STAB2: variants seen among roughly 807,000 people sequenced by gnomAD.
The protein encoded by STAB2 is stabilin-2.
A neutral mutation model predicts 338.1 loss-of-function variants in STAB2; 288 were observed. The ratio of observed to expected loss-of-function variants is 0.85; its 90% confidence interval spans 0.77 to 0.94. The LOEUF (loss-of-function observed/expected upper bound fraction) is 0.94. Among genes scored for constraint, STAB2 ranks in the 40% least tolerant of loss-of-function variants. The pLI is 0.00. For missense variants in STAB2, 3,141 were observed against 3,210.1 expected, an observed-to-expected ratio of 0.98 and a Z score of 0.52; for synonymous variants, 1,202 against 1,193.3, an observed-to-expected ratio of 1.01 and a Z score of -0.15.
At chr12:103,612,422 C>T (rs566924672) in intron 3 of STAB2, among the ~76,000 whole-genome samples, 1 of 152,328 alleles carries the variant, frequency 6.6e-6, no homozygotes, top group East Asian at 1.9e-4. Context: ...CTTCTCACTT[C>T]ATTTCATTCA....
chr12:103,694,972 T>A (rs1472232018), intron 31 of STAB2, among the ~76,000 whole-genome samples: 1 of 152,120 alleles, frequency 6.6e-6, no homozygotes, highest in Non-Finnish European at 1.5e-5. Context: ...TGCAGCTGTG[T>A]GTCTGCAGAA....
At chr12:103,714,740 T>C (rs1880169171) in intron 42 of STAB2, among the ~76,000 whole-genome samples, 1 of 152,072 alleles carries the variant, frequency 6.6e-6, no homozygotes, top group South Asian at 2.1e-4. Flanking sequence ...TCTTTGTATA[T>C]ATACATTTTT....
At chr12:103,759,000 A>G in intron 64 of STAB2, 133 bp from the exon 65 acceptor site, 16 of 1,466,584 alleles carry the variant, frequency 1.1e-5, no homozygotes, top group Non-Finnish European at 1.5e-5. Flanking sequence ...AAACCTTGAC[A>G]TTTCCTGATC....
chr12:103,679,540 A>G (rs1490323988), intron 25 of STAB2, among the ~76,000 whole-genome samples: 2 of 152,096 alleles, frequency 1.3e-5, no homozygotes, highest in African/African-American at 2.4e-5. Flanking sequence ...TGACATGTCT[A>G]TTTACAGCTA....
intron 26 of STAB2, among the ~76,000 whole-genome samples, chr12:103,683,585 G>T (rs1027652661): frequency 1.3e-5 from 2 of 152,042 alleles, no homozygotes; most frequent in Non-Finnish European, 1.5e-5. Context: ...ATATGGTGTG[G>T]GATAAACTTA....
At chr12:103,657,406 A>T (rs1874275414) in intron 15 of STAB2, among the ~76,000 whole-genome samples, 1 of 152,176 alleles carries the variant, frequency 6.6e-6, no homozygotes, top group African/African-American at 2.4e-5. Context: ...AGAATAGGAA[A>T]AAATCAACCT....
At chr12:103,652,498 G>A (rs551186553) in intron 11 of STAB2, 58 bp from the exon 12 acceptor site, 1 of 1,471,806 alleles carries the variant, frequency 6.8e-7, no homozygotes, top group African/African-American at 1.4e-5. Context: ...GGCACAGCAT[G>A]TGTTACAAAA....
chr12:103,755,830 G>A (rs975032271), intron 63 of STAB2, 112 bp downstream of exon 63: 31 of 965,154 alleles, frequency 3.2e-5, no homozygotes, highest in Admixed American at 1.2e-4. Flanking sequence ...AAGAGCATGG[G>A]TGCTGGACCA....
intron 29 of STAB2, 87 bp downstream of exon 29, chr12:103,690,069 G>A: frequency 2.0e-6 from 3 of 1,519,288 alleles, no homozygotes; most frequent in Admixed American, 2.0e-5. Flanking sequence ...AAAACCACAT[G>A]GTCCTTCAAA....
intron 25 of STAB2, 21 bp from the exon 26 acceptor site, chr12:103,683,184 A>C (rs765080738): frequency 6.2e-7 from 1 of 1,605,618 alleles, no homozygotes; most frequent in Non-Finnish European, 8.5e-7. Context: ...AATCCACTTG[A>C]CTCTGTTCTT....
At chr12:103,656,258 T>A (rs888711573) in intron 15 of STAB2, among the ~76,000 whole-genome samples, 2 of 152,252 alleles carry the variant, frequency 1.3e-5, no homozygotes, top group Admixed American at 6.5e-5. Flanking sequence ...GGTCACATGC[T>A]TTCTTTCAGT....
chr12:103,616,625 T>C (rs1957214969), intron 3 of STAB2, among the ~76,000 whole-genome samples: 1 of 152,224 alleles, frequency 6.6e-6, no homozygotes, highest in Non-Finnish European at 1.5e-5. Flanking sequence ...TGTGTTGTTC[T>C]GAGCAAGCCC....
chr12:103,715,891 G>A lies in STAB2; in HGVS notation c.4611+3G>A. 2 of 1,613,950 alleles carry A rather than the reference G, an allele frequency of 1.2e-6. No homozygotes were observed. Among genetic ancestry groups the A allele is most frequent in the Non-Finnish European group, 1.7e-6 (2 of 1,179,904 alleles). ...GCACACAGACAGGACCCAACCAGGT[G>A]AGTGCCACCTCTCCCAGGCCCTTAG... On this transcript the variant is annotated splice_donor_region_variant and intron_variant, in intron 43 of 68. Coordinates refer to ENST00000388887, the MANE Select transcript of STAB2 (RefSeq NM_017564.10).
intron 25 of STAB2, among the ~76,000 whole-genome samples, chr12:103,682,077 C>T (rs1876963950): frequency 1.3e-5 from 2 of 151,358 alleles, no homozygotes; most frequent in South Asian, 4.1e-4. Flanking sequence ...ATTACAGTAT[C>T]TGTCTCCTCT....
intron 19 of STAB2, among the ~76,000 whole-genome samples, chr12:103,667,070 A>G (rs1875177174): frequency 6.6e-6 from 1 of 152,228 alleles, no homozygotes; most frequent in African/African-American, 2.4e-5. Flanking sequence ...TTTGCCTATA[A>G]GTTTATCATA....
intron 56 of STAB2, 78 bp from the exon 57 acceptor site, chr12:103,745,095 A>G: frequency 1.6e-6 from 2 of 1,275,394 alleles, no homozygotes; most frequent in Non-Finnish European, 2.2e-6. Flanking sequence ...CTGAAAATGC[A>G]TAGCAAACAA....
chr12:103,684,496 T>C (rs1006646959), intron 26 of STAB2, among the ~76,000 whole-genome samples: 1 of 152,200 alleles, frequency 6.6e-6, no homozygotes, highest in African/African-American at 2.4e-5. Flanking sequence ...ACACTTCTGC[T>C]TGATTTAAGC....
intron 52 of STAB2, 27 bp downstream of exon 52, chr12:103,735,607 G>GGGA (rs748740293): frequency 6.3e-6 from 9 of 1,425,534 alleles, no homozygotes; most frequent in Non-Finnish European, 8.8e-6. Context: ...AGGGTGGGCA[G>GGGA]GGAGGGGTTA....
intron 34 of STAB2, among the ~76,000 whole-genome samples, chr12:103,699,616 A>G (rs960581045): frequency 6.6e-6 from 1 of 152,186 alleles, no homozygotes; most frequent in African/African-American, 2.4e-5. Context: ...GGTCCCTCCC[A>G]CAACACGTGG....
Sources: allele counts gnomAD v4.1 joint callset (sites outside exome capture counted in the v4.1 genomes callset), GRCh38; gene constraint gnomAD v4.1.1; transcripts MANE v1.5; gene names NCBI Gene and HGNC (gene_info 2026-07-23, HGNC 2026-07-21).